Variants in VSIG10L observed in about 807,000 individuals in gnomAD.
VSIG10L encodes the protein V-set and immunoglobulin domain containing 10 like.
Under a neutral mutation model 67.3 loss-of-function variants are expected in VSIG10L, and 63 were observed. The observed-to-expected ratio is 0.94, with a 90% CI of 0.76 to 1.15. VSIG10L has a LOEUF of 1.15. Among genes scored for constraint, VSIG10L ranks in the 50% most tolerant of loss-of-function variants. The pLI is 0.00. For synonymous variants in VSIG10L, 499 were observed against 524.9 expected (o/e 0.95, Z 0.67); for missense variants, 1,050 against 1,177.5 (o/e 0.89, Z 1.58).
At chr19:51,336,967 C>T (rs1318796680) in intron 7 of VSIG10L, among the ~76,000 whole-genome samples, 2 of 152,036 alleles carry the variant, frequency 1.3e-5, no homozygotes, top group African/African-American at 4.8e-5. Flanking sequence ...GGGGTTTCAC[C>T]GTGTGAGCCA....
intron 9 of VSIG10L, among the ~76,000 whole-genome samples, chr19:51,332,875 G>A (rs916466558): frequency 3.3e-5 from 5 of 151,102 alleles, no homozygotes; most frequent in African/African-American, 1.2e-4. Flanking sequence ...TTTGAGACAG[G>A]GTCTCACTCT....
Position 51,332,629 on chromosome 19 carries a change from T to G in VSIG10L, c.2586A>C (p.Pro862=). The change falls in exon 10 of 10, where the codon CCA becomes CCC. Residue 862 remains proline (P), a synonymous_variant. Coordinates refer to ENST00000335624, the MANE Select transcript of VSIG10L (RefSeq NM_001163922.3). ...CCTCCGCCTACAGAGACAACTGAAC[T>G]GGGGTCTGTGCCTGGAAGAGAGAGG... The part of the protein sequence containing the change: ...SSTRAYQAQT[P]VQLSL 7.1e-7 allele frequency: 1 copy of G among 1,399,356 alleles called. No individual in the cohort carries two copies. The highest frequency in any genetic ancestry group is 9.3e-7 in the Non-Finnish European group (1 of 1,078,902). The allele number at this position is 1,399,356 out of a possible 1,614,324, so 86.7% of individuals were successfully genotyped here. A position where few individuals can be genotyped will look rare whatever the true frequency, so the allele number is the denominator to read the frequency against.
In VSIG10L at chr19:51,337,970, A is replaced by G; in HGVS notation, c.1968T>C (p.Ser656=). Residue 656 remains serine (S), a synonymous_variant, in exon 6 of 10, where the codon AGT becomes AGC. Transcript: ENST00000335624. Reference sequence around the variant, plus strand: ...GGTCACCGCCAGCACCCAGCGCCCCACTGCACAGCACGGAGTAATTTCCCA... The same window carrying G: ...GGTCACCGCCAGCACCCAGCGCCCCGCTGCACAGCACGGAGTAATTTCCCA... ...WDLGNYSVLC[S]GALGAGGDQI... 6.4e-7 allele frequency: 1 copy of G among 1,551,476 alleles called. No homozygotes were observed. The highest frequency in any genetic ancestry group is 2.4e-5 in the East Asian group (1 of 40,914).
In VSIG10L at chr19:51,341,280, T is replaced by A. The variant is rs561458344; in HGVS notation, c.768A>T (p.Arg256=). 1 of 1,548,690 alleles carries A rather than the reference T, an allele frequency of 6.5e-7. No homozygotes were observed. The highest frequency in any genetic ancestry group is 8.7e-7 in the Non-Finnish European group (1 of 1,146,886). The change falls in exon 2 of 10, where the codon CGA becomes CGT. Residue 256 remains arginine (R), a synonymous_variant. Transcript: ENST00000335624. ...SLDPAHRDHL[R]FDQARGVLEL... ...CCAGAACCCCCCGGGCCTGGTCAAA[T>A]CGCAGGTGGTCTCGGTGAGCAGGGT...
Position 51,337,267 on chromosome 19 carries a change from G to T in VSIG10L, c.2276C>A (p.Thr759Asn). 1 of 1,550,390 alleles carries T rather than the reference G, an allele frequency of 6.4e-7. No homozygotes were observed. Among genetic ancestry groups the T allele is most frequent in the Non-Finnish European group, 8.7e-7 (1 of 1,146,260 alleles). Residue 759 changes from threonine (T) to asparagine (N), a missense_variant, in exon 7 of 10, where the codon ACT becomes AAT. Physicochemically the swap from Thr to Asn is moderately conservative, Grantham distance 65 (BLOSUM62 0). Transcript: ENST00000335624. The part of the protein sequence containing the change: ...ILPILGGQPG[T>N]PSQSRVYRAG... ...CCGGTAGACCCGGCTTTGTGATGGA[G>T]TCCCTGGCTGGCCCCCCAGGATGGG... is the stretch of plus-strand genomic sequence containing the variant.
Position 51,340,836 on chromosome 19 carries a change from C to T in VSIG10L, c.896-110G>A. 7.8e-7 allele frequency: 1 copy of T among 1,286,646 alleles called. No individual in the cohort carries two copies. The highest frequency in any genetic ancestry group is 1.0e-6 in the Non-Finnish European group (1 of 977,970). 79.7% of individuals were successfully genotyped at this position (1,286,646 alleles called of 1,614,324 possible). A position where few individuals can be genotyped will look rare whatever the true frequency, so the allele number is the denominator to read the frequency against. ...CCTCTAAGCCCCTGGAGTCTCAGCC[C>T]CCATCCCTCTCCTCTCATAAACCTA... On this transcript the variant is annotated intron_variant, in intron 2 of 9. Transcript: ENST00000335624. The surrounding 1 kb of genome is among the most constrained non-coding windows in gnomAD (Gnocchi z 6.3).
At position 51,338,849 on chromosome 19, in the gene VSIG10L, C is replaced by T. The variant is rs78266250; in HGVS notation, c.1729+39G>A. 1,548 of 1,353,756 alleles carry T rather than the reference C, an allele frequency of 1.1e-3. 17 individuals carry two copies. In the African/African-American group the frequency reaches 0.018, roughly 15 times the overall value. The allele number at this position is 1,353,756 out of a possible 1,614,324, so 83.9% of individuals were successfully genotyped here. On this transcript the variant is annotated intron_variant, in intron 5 of 9. Transcript: ENST00000335624. ...AAGGACCAAAGAAAAAGTCTCCCTC[C>T]TCCTCGAGAAACAGCAAAAAAGCCC...
rs949827065 is a variant in VSIG10L, at chr19:51,341,943, AGAG to A, written c.102_104del (p.Ser35del). On this transcript the variant is annotated inframe_deletion, in exon 2 of 10. Transcript: ENST00000335624. ...AGCTCTTTGAGTCTGAAGAGAAGGC[AGAG>A]GAGAAGTTGGTTTGCTGAAGTCCAG... 5 of 1,551,706 alleles carry A rather than the reference AGAG, an allele frequency of 3.2e-6. No homozygotes were observed. In the Admixed American group the frequency reaches 5.9e-5, roughly 18 times the overall value.
At position 51,340,639 on chromosome 19, in the gene VSIG10L, C is replaced by T. The variant is rs1288927099; in HGVS notation, c.983G>A (p.Gly328Glu). ...CCAGCTCAGCTCCCCGCGACCTGGC[C>T]CCCACCCCAGGCAGCGCAGCCGGAG... ...AELRLRCLGW[G>E]PGRGELSWSR... Residue 328 changes from glycine (G) to glutamate (E), a missense_variant, in exon 3 of 10, where the codon GGG (glycine) becomes GAG (glutamate). Gly to Glu is a moderately conservative substitution (Grantham distance 98). Transcript: ENST00000335624. This position sits in a 1 kb window ranked among gnomAD's most constrained non-coding sequence, Gnocchi z 6.3. 6.5e-7 allele frequency: 1 copy of T among 1,533,746 alleles called. No individual in the cohort carries two copies. Among genetic ancestry groups the T allele is most frequent in the African/African-American group, 1.4e-5 (1 of 72,918 alleles).
Position 51,340,038 on chromosome 19 carries a change from G to C in VSIG10L, c.1451C>G (p.Ser484Trp). ...ACCCGCCACTGTAAGGTTGAGCAGC[G>C]AGCGGCGGCGGCGGCCGGTACGCGG... ...ANPRTGRRRR[S>W]LLNLTVADLP... Residue 484 changes from serine (S) to tryptophan (W), a missense_variant, in exon 4 of 10, where the codon TCG (serine) becomes TGG (tryptophan). Around this residue, in one of 3 missense-constraint regions of VSIG10L, gnomAD observed 529 missense variants for 584.9 expected, o/e 0.90. Coordinates refer to ENST00000335624, the MANE Select transcript of VSIG10L (RefSeq NM_001163922.3). This position sits in a 1 kb window ranked among gnomAD's most constrained non-coding sequence, Gnocchi z 6.3. 1 of 1,437,154 alleles carries C rather than the reference G, an allele frequency of 7.0e-7. No homozygotes were observed. Among genetic ancestry groups the C allele is most frequent in the Non-Finnish European group, 9.1e-7 (1 of 1,097,408 alleles). 89.0% of individuals were successfully genotyped at this position (1,437,154 alleles called of 1,614,324 possible).
intron 7 of VSIG10L, among the ~76,000 whole-genome samples, chr19:51,335,647 G>A (rs961706042): frequency 1.1e-4 from 16 of 152,148 alleles, no homozygotes; most frequent in Non-Finnish European, 1.8e-4. Context: ...CTTGACTCAC[G>A]CCTGTAATCC....
chr19:51,332,258 G>C lies in VSIG10L; in HGVS notation c.*353C>G. 1 of 389,416 alleles carries C rather than the reference G, an allele frequency of 2.6e-6. No homozygotes were observed. Among genetic ancestry groups the C allele is most frequent in the Non-Finnish European group, 4.9e-6 (1 of 203,916 alleles). 24.1% of individuals were successfully genotyped at this position (389,416 alleles called of 1,614,324 possible). A position where few individuals can be genotyped will look rare whatever the true frequency, so the allele number is the denominator to read the frequency against. ...TACAGGTGGCAAAGTGAATGTAAGGGGACCTTTTCAGAGAACATGGCCAAG... is the reference window on the plus strand; with the variant it reads ...TACAGGTGGCAAAGTGAATGTAAGGCGACCTTTTCAGAGAACATGGCCAAG... On this transcript the variant is annotated 3_prime_UTR_variant, in exon 10 of 10. Coordinates refer to ENST00000335624, the MANE Select transcript of VSIG10L (RefSeq NM_001163922.3).
chr19:51,339,281 C>G, intron 4 of VSIG10L, 139 bp from the exon 5 acceptor site: 1 of 964,978 alleles, frequency 1.0e-6, no homozygotes, highest in East Asian at 3.3e-5. Context: ...TCCTGCGATC[C>G]CGTTCCCTTT....
In VSIG10L at chr19:51,333,919, G is replaced by A; in HGVS notation, c.2446C>T (p.Pro816Ser). The A allele has an allele frequency of 6.4e-7, 1 of 1,551,538 alleles. No individual in the cohort carries two copies. The change falls in exon 9 of 10, where the codon CCT becomes TCT. Residue 816 changes from proline to serine, a missense_variant. By Grantham distance (74) the Pro-to-Ser change is moderately conservative. This residue lies in a region of VSIG10L where 529 missense variants were observed against 584.9 expected (regional missense o/e 0.90). Transcript: ENST00000335624. ...RGKTPEKKKH[P>S]STLVPVVTPS... Reference sequence around the variant, plus strand: ...GTGACCACGGGGACCAAGGTAGAAGGATGCTTCTTTTTCTCAGGAGTCTTT... The same window carrying A: ...GTGACCACGGGGACCAAGGTAGAAGAATGCTTCTTTTTCTCAGGAGTCTTT...
rs1390645093 is a variant in VSIG10L, at chr19:51,341,640, G to C, written c.408C>G (p.Phe136Leu). 2 of 1,551,636 alleles carry C rather than the reference G, an allele frequency of 1.3e-6. No individual in the cohort carries two copies. Among genetic ancestry groups the C allele is most frequent in the African/African-American group, 2.7e-5 (2 of 73,062 alleles). The change falls in exon 2 of 10, where the codon TTC becomes TTG. Residue 136 changes from phenylalanine to leucine, a missense_variant. Around this residue, in one of 3 missense-constraint regions of VSIG10L, gnomAD observed 511 missense variants for 557.9 expected, o/e 0.92. Transcript: ENST00000335624. Reference protein sequence around the residue: ...QVPAKDPKPSFTVKTPASNIS... With the variant: ...QVPAKDPKPSLTVKTPASNIS... ...TGTTTGAAGCTGGGGTCTTAACAGT[G>C]AAGGAAGGCTTGGGGTCTTTGGCAG...
rs774836525 is a variant in VSIG10L at position 51,342,099 on chromosome 19, A to T, written c.26T>A (p.Leu9His). The change falls in exon 1 of 10, where the codon CTC (leucine) becomes CAC (histidine). Residue 9 changes from leucine to histidine, a missense_variant. By Grantham distance (99) the Leu-to-His change is moderately conservative. This residue lies in a region of VSIG10L where 511 missense variants were observed against 557.9 expected (regional missense o/e 0.92). Coordinates refer to ENST00000335624, the MANE Select transcript of VSIG10L (RefSeq NM_001163922.3). This position sits in a 1 kb window ranked among gnomAD's most constrained non-coding sequence, Gnocchi z 4.4. ...AGGGAACTTACCCAGGAGTAGGAAG[A>T]GTGGCAGAGCCTGTGGGTTGTCCAT... MDNPQALP[L>H]FLLLASLVGI... 4 of 1,551,676 alleles carry T rather than the reference A, an allele frequency of 2.6e-6. No homozygotes were observed. In the South Asian group the frequency reaches 4.8e-5, roughly 18 times the overall value.
chr19:51,332,474 T>C lies in VSIG10L; in HGVS notation c.*137A>G, dbSNP rs1985380579. On this transcript the variant is annotated 3_prime_UTR_variant, in exon 10 of 10. Transcript: ENST00000335624. Reference sequence around the variant, plus strand: ...GAGACAGAAAGTCCCACTTTCAGGGTCCAACCCTCAGTCATAGCAGGCCCT... The same window carrying C: ...GAGACAGAAAGTCCCACTTTCAGGGCCCAACCCTCAGTCATAGCAGGCCCT... The C allele has an allele frequency of 1.0e-6, 1 of 998,168 alleles. No individual in the cohort carries two copies. The highest frequency in any genetic ancestry group is 2.0e-5 in the Admixed American group (1 of 50,170). The allele number at this position is 998,168 out of a possible 1,614,324, so 61.8% of individuals were successfully genotyped here.
rs1009386805 is a variant in VSIG10L, at chr19:51,338,140, G to C, written c.1798C>G (p.Leu600Val). 6.5e-6 allele frequency: 10 copies of C among 1,541,830 alleles called. No individual in the cohort carries two copies. The highest frequency in any genetic ancestry group is 2.0e-5 in the Admixed American group (1 of 49,664). The change falls in exon 6 of 10, where the codon CTG (leucine) becomes GTG (valine). Residue 600 changes from leucine (L) to valine (V), a missense_variant. Around this residue, in one of 3 missense-constraint regions of VSIG10L, gnomAD observed 529 missense variants for 584.9 expected, o/e 0.90. Coordinates refer to ENST00000335624, the MANE Select transcript of VSIG10L (RefSeq NM_001163922.3). ...GGTGGGGGACAACCAGAGGCCTCCA[G>C]TGCCACCTCTGCCTCCCCCAACCGT... is the stretch of plus-strand genomic sequence containing the variant. ...ETRLGEAEVA[L>V]EASGCPPPSR...
chr19:51,332,644 G>T lies in VSIG10L; in HGVS notation c.2575-4C>A, dbSNP rs916539684. The T allele has an allele frequency of 1.9e-6, 3 of 1,551,228 alleles. No homozygotes were observed. The highest frequency in any genetic ancestry group is 2.4e-5 in the South Asian group (2 of 84,036). ...ACAACTGAACTGGGGTCTGTGCCTG[G>T]AAGAGAGAGGTGGGGTGAGGGGAGA... On this transcript the variant is annotated splice_region_variant and splice_polypyrimidine_tract_variant and intron_variant, in intron 9 of 9. Coordinates refer to ENST00000335624, the MANE Select transcript of VSIG10L (RefSeq NM_001163922.3).
Sources: gnomAD v4.1 joint callset for allele counts (sites outside exome capture counted in the v4.1 genomes callset) on GRCh38, gnomAD v4.1.1 for gene constraint, gnomAD v4.1.1 regional missense constraint, Gnocchi (gnomAD v3.1) non-coding constraint, MANE v1.5 for transcripts, NCBI Gene and HGNC (gene_info 2026-07-23, HGNC 2026-07-21) for gene names.